The following LRRC9 variants were observed in gnomAD, a reference collection of about 807,000 sequenced individuals.
LRRC9 encodes the protein leucine-rich repeat-containing protein 9.
Under a neutral mutation model 63.2 loss-of-function variants are expected in LRRC9, and 122 were observed. The observed-to-expected ratio is 1.93, with a 90% CI of 1.67 to 2.24. The LOEUF (loss-of-function observed/expected upper bound fraction) is 2.24, where lower values mean the gene tolerates loss of function less well. LRRC9 is among the 30% of genes most tolerant of loss of function. The pLI, the probability that LRRC9 is intolerant of heterozygous loss-of-function variation, is 0.00. For synonymous variants in LRRC9, 366 were observed against 213.1 expected, an observed-to-expected ratio of 1.72 and a Z score of -6.25; for missense variants, 1,071 against 627.7, an observed-to-expected ratio of 1.71 and a Z score of -7.55.
intron 1 of LRRC9, 186 bp downstream of exon 1, chr14:59,920,459 T>A (rs890005527): frequency 6.6e-6 from 1 of 152,408 alleles, no homozygotes; most frequent in African/African-American, 2.4e-5. Context: ...ACTGAGGCAG[T>A]CAGGGTACCA....
chr14:59,978,964 G>A (rs1886615102), intron 15 of LRRC9, among the ~76,000 whole-genome samples: 1 of 151,994 alleles, frequency 6.6e-6, no homozygotes, highest in Admixed American at 6.5e-5. Flanking sequence ...CCACTATGGT[G>A]GGCAAAAAAC....
Position 60,062,079 on chromosome 14 carries a change from C to T in LRRC9, c.4277-1244C>T, listed in dbSNP as rs187897060. 5.5e-5 allele frequency: 22 copies of T among 398,740 alleles called. 1 individual carries two copies. The South Asian group carries it at 1.3e-3, about 23-fold the overall frequency. The allele number at this position is 398,740 out of a possible 1,614,324, so 24.7% of individuals were successfully genotyped here. On this transcript the variant is annotated intron_variant, in intron 31 of 31. Transcript: ENST00000445360. ...GAGCATCCATGCAGAAATAGCTTTTCGGCAACTCAGAGGGATAAGTATCTC... is the reference window on the plus strand; with the variant it reads ...GAGCATCCATGCAGAAATAGCTTTTTGGCAACTCAGAGGGATAAGTATCTC...
chr14:60,059,728 T>C (rs989703360), intron 31 of LRRC9, among the ~76,000 whole-genome samples: 1 of 152,174 alleles, frequency 6.6e-6, no homozygotes, highest in African/African-American at 2.4e-5. Context: ...GAAGAGAAGT[T>C]TGAAGCTAGC....
chr14:59,928,096 T>C (rs974243672), intron 2 of LRRC9, 105 bp downstream of exon 2: 1 of 597,120 alleles, frequency 1.7e-6, no homozygotes, highest in South Asian at 2.2e-5. Context: ...TCATTTCCTC[T>C]ACCTAGTGAC....
At chr14:59,984,054 C>A (rs938212399) in intron 16 of LRRC9, among the ~76,000 whole-genome samples, 8 of 152,096 alleles carry the variant, frequency 5.3e-5, no homozygotes, top group African/African-American at 1.7e-4. Context: ...GTTCTACAAT[C>A]AAATGTATAA....
chr14:60,012,554 T>C (rs1405780270), intron 23 of LRRC9, among the ~76,000 whole-genome samples: 4 of 152,196 alleles, frequency 2.6e-5, no homozygotes, highest in Admixed American at 2.6e-4. Context: ...GTAGATCAAA[T>C]GACTTACCAG....
At chr14:60,028,170 T>G in intron 28 of LRRC9, 69 bp downstream of exon 28, 1 of 627,996 alleles carries the variant, frequency 1.6e-6, no homozygotes. Flanking sequence ...GCATAAAGCT[T>G]CCAAACACAT....
At chr14:60,022,949 T>TATAAGCATC (rs1214063324) in intron 27 of LRRC9, 79 bp downstream of exon 27, 3 of 438,434 alleles carry the variant, frequency 6.8e-6, no homozygotes, top group Non-Finnish European at 1.2e-5. Context: ...GATAAGCAAA[T>TATAAGCATC]ATAAGCATCA....
chr14:60,001,851 TTTATAA>T (rs1889393380), intron 19 of LRRC9, 109 bp from the exon 20 acceptor site: 2 of 435,836 alleles, frequency 4.6e-6, no homozygotes, highest in Non-Finnish European at 8.1e-6. Flanking sequence ...AATGTTACAT[TTTATAA>T]TTATTTATTG....
At chr14:59,992,313 C>G (rs923917535) in intron 17 of LRRC9, among the ~76,000 whole-genome samples, 1 of 152,052 alleles carries the variant, frequency 6.6e-6, no homozygotes, top group Non-Finnish European at 1.5e-5. Flanking sequence ...CCCATCTGTA[C>G]GTCACCATCA....
At chr14:60,018,734 T>C (rs953613995) in intron 25 of LRRC9, among the ~76,000 whole-genome samples, 3 of 151,944 alleles carry the variant, frequency 2.0e-5, no homozygotes, top group African/African-American at 7.2e-5. Context: ...TGAAGGCAGA[T>C]ATGGAAAGAA....
At chr14:60,030,420 T>C (rs1891899416) in intron 28 of LRRC9, 1 of 152,106 alleles carries the variant, frequency 6.6e-6, no homozygotes, top group Non-Finnish European at 1.5e-5. Context: ...AGATTCATTA[T>C]TTAATTCACC....
intron 15 of LRRC9, among the ~76,000 whole-genome samples, chr14:59,979,291 A>G (rs219330): frequency 0.74 from 113,301 of 152,096 alleles, 44,369 homozygotes; most frequent in Non-Finnish European, 0.87. Context: ...TATGTTGCAA[A>G]TATTTTCTGT....
At chr14:60,041,939 C>G (rs574496399) in intron 29 of LRRC9, among the ~76,000 whole-genome samples, 360 of 152,234 alleles carry the variant, frequency 2.4e-3, no homozygotes, top group Non-Finnish European at 4.2e-3. Flanking sequence ...GTATGGATGT[C>G]CTTTCTGTTT....
At position 60,027,435 on chromosome 14, in the gene LRRC9, GAACAGCATA is replaced by G. The variant is rs1891646352; in HGVS notation, c.3704-447_3704-439del. On this transcript the variant is annotated intron_variant, in intron 27 of 31. Transcript: ENST00000445360. This position sits in a 1 kb window ranked among gnomAD's most constrained non-coding sequence, Gnocchi z 4.0. ...GATTGCAGTGCAAAAATATGAGAAA[GAACAGCATA>G]ATTAATGTGTATTCTTCTAACATAA... Among the ~76,000 whole-genome samples the G allele has an allele frequency of 6.6e-6, 1 of 151,970 alleles. No individual in the cohort carries two copies. Among genetic ancestry groups the G allele is most frequent in the Non-Finnish European group, 1.5e-5 (1 of 67,928 alleles).
In LRRC9 at chr14:59,961,051, T is replaced by C; in HGVS notation, c.1211+6T>C. 1.5e-6 allele frequency: 1 copy of C among 646,374 alleles called. No individual in the cohort carries two copies. Among genetic ancestry groups the C allele is most frequent in the Non-Finnish European group, 2.8e-6 (1 of 358,682 alleles). 40.0% of individuals were successfully genotyped at this position (646,374 alleles called of 1,614,324 possible). A position where few individuals can be genotyped will look rare whatever the true frequency, so the allele number is the denominator to read the frequency against. On this transcript the variant is annotated splice_donor_region_variant and intron_variant, in intron 10 of 31. Transcript: ENST00000445360. ...GGCACTCGATCTGATGACTGGTAAA[T>C]CTGTTAGAAATTTAGTATAGCTTTA... is the stretch of plus-strand genomic sequence containing the variant.
intron 28 of LRRC9, among the ~76,000 whole-genome samples, chr14:60,029,702 C>A (rs1891839040): frequency 6.6e-6 from 1 of 152,086 alleles, no homozygotes; most frequent in African/African-American, 2.4e-5. Flanking sequence ...GCTGGTATAA[C>A]AACCATACTT....
intron 29 of LRRC9, among the ~76,000 whole-genome samples, chr14:60,035,219 T>C (rs1395753048): frequency 6.6e-6 from 1 of 152,182 alleles, no homozygotes; most frequent in East Asian, 1.9e-4. Context: ...GCTGTTAAGT[T>C]GTTTGAGCTC....
At chr14:59,983,498 A>G (rs540080591) in intron 16 of LRRC9, among the ~76,000 whole-genome samples, 1 of 152,318 alleles carries the variant, frequency 6.6e-6, no homozygotes, top group South Asian at 2.1e-4. Context: ...AGTTACTGGG[A>G]GAGATTTATA....
Sources: gnomAD v4.1 joint callset for allele counts (sites outside exome capture counted in the v4.1 genomes callset) on GRCh38, gnomAD v4.1.1 for gene constraint, Gnocchi (gnomAD v3.1) non-coding constraint, MANE v1.5 for transcripts, NCBI Gene and HGNC (gene_info 2026-07-23, HGNC 2026-07-21) for gene names.